The following SLC16A14 variants were observed in gnomAD, a reference collection of about 807,000 sequenced individuals.
The protein encoded by SLC16A14 is monocarboxylate transporter 14.
SLC16A14 carries 14 observed loss-of-function variants against 35.8 expected under a neutral mutation model. The ratio of observed to expected loss-of-function variants is 0.39; its 90% CI spans 0.26 to 0.61. The LOEUF is 0.61. SLC16A14 is among the 20% of genes least tolerant of loss of function. SLC16A14 has a pLI of 0.51. For missense variants in SLC16A14, 533 were observed against 655.0 expected (o/e 0.81, Z 2.03); for synonymous variants, 248 against 258.9 (o/e 0.96, Z 0.40).
chr2:230,054,513 G>A (rs923408141), intron 2 of SLC16A14, among the ~76,000 whole-genome samples: 20 of 152,252 alleles, frequency 1.3e-4, no homozygotes, highest in African/African-American at 4.3e-4. Context: ...CTTGCAACAC[G>A]TGGATGACTG....
chr2:230,039,206 C>A, intron 4 of SLC16A14, among the ~76,000 whole-genome samples: 2 of 151,008 alleles, frequency 1.3e-5, no homozygotes, highest in South Asian at 2.1e-4. Flanking sequence ...CAAACAATAG[C>A]ATACAAATTT....
intron 2 of SLC16A14, among the ~76,000 whole-genome samples, chr2:230,057,779 CA>C (rs1024801856): frequency 3.0e-4 from 45 of 152,040 alleles, no homozygotes; most frequent in African/African-American, 1.0e-3. Flanking sequence ...GTAATCCCAG[CA>C]ATTTGGGAGG....
intron 4 of SLC16A14, among the ~76,000 whole-genome samples, chr2:230,045,149 G>C (rs1252178409): frequency 2.0e-5 from 3 of 152,318 alleles, no homozygotes; most frequent in Admixed American, 2.0e-4. Flanking sequence ...TGGGTAAGGA[G>C]CCCGTCAGTA....
Position 230,067,534 on chromosome 2 carries a change from T to TTCTCTCTCTC in SLC16A14, c.-15+1011_-15+1020dup, listed in dbSNP as rs145179402. Reference sequence around the variant, plus strand: ...CCCAACACTGCCTCTCTCCCCTCTCTTCTCTCTCTCTCTCTCTCTCTCTCT... The same window carrying TTCTCTCTCTC: ...CCCAACACTGCCTCTCTCCCCTCTCTTCTCTCTCTCTCTCTCTCTCTCTCTCTCTCTCTCT... On this transcript the variant is annotated intron_variant, in intron 1 of 4. Coordinates refer to ENST00000295190, the MANE Select transcript of SLC16A14 (RefSeq NM_152527.5). Among the ~76,000 whole-genome samples, 105 of 128,426 alleles carry TTCTCTCTCTC rather than the reference T, an allele frequency of 8.2e-4. 1 individual carries two copies. The highest frequency in any genetic ancestry group is 3.3e-3 in the African/African-American group (102 of 31,340). The allele number at this position is 128,426 out of a possible 152,430, so 84.3% of individuals were successfully genotyped here.
Position 230,038,081 on chromosome 2 carries a change from T to C in SLC16A14, c.1382-550A>G, listed in dbSNP as rs2077532689. ...AAAGAATCAAAATCTTCAGGTGTTA[T>C]AAAATTCACATTTACAGTCACAAAA... On this transcript the variant is annotated intron_variant, in intron 4 of 4. Coordinates refer to ENST00000295190, the MANE Select transcript of SLC16A14 (RefSeq NM_152527.5). The surrounding 1 kb of genome is among the most constrained non-coding windows in gnomAD (Gnocchi z 4.4). Among the ~76,000 whole-genome samples the C allele has an allele frequency of 6.6e-6, 1 of 152,228 alleles. No individual in the cohort carries two copies. The highest frequency in any genetic ancestry group is 6.5e-5 in the Admixed American group (1 of 15,282).
chr2:230,041,178 G>T (rs1003062177), intron 4 of SLC16A14, among the ~76,000 whole-genome samples: 11 of 152,092 alleles, frequency 7.2e-5, no homozygotes, highest in African/African-American at 2.7e-4. Context: ...CCCAGCTTTT[G>T]GTGGAAAACA....
chr2:230,066,709 A>ACTGCAACTTCCGCCTCC (rs1383817674), intron 1 of SLC16A14: 2 of 393,020 alleles, frequency 5.1e-6, no homozygotes, highest in African/African-American at 4.7e-5. Flanking sequence ...ATCTCGGCTC[A>ACTGCAACTTCCGCCTCC]CTGCAACTTC....
At chr2:230,039,262 T>A (rs1338146919) in intron 4 of SLC16A14, among the ~76,000 whole-genome samples, 1 of 152,094 alleles carries the variant, frequency 6.6e-6, no homozygotes, top group Non-Finnish European at 1.5e-5. Flanking sequence ...GTATGAATTC[T>A]GGATCTACTT....
chr2:230,047,374 C>T (rs1001887770), intron 3 of SLC16A14, among the ~76,000 whole-genome samples: 31 of 140,442 alleles, frequency 2.2e-4, no homozygotes, highest in African/African-American at 8.2e-4. Flanking sequence ...TGCAATGGTG[C>T]GATCACAGCT....
At chr2:230,060,970 T>C (rs1577400302) in intron 1 of SLC16A14, among the ~76,000 whole-genome samples, 1 of 152,192 alleles carries the variant, frequency 6.6e-6, no homozygotes, top group East Asian at 1.9e-4. Context: ...GCAGAGGTTG[T>C]GTAGGAGACT....
intron 2 of SLC16A14, among the ~76,000 whole-genome samples, chr2:230,058,565 T>A (rs1251279442): frequency 6.6e-6 from 1 of 152,100 alleles, no homozygotes; most frequent in Admixed American, 6.6e-5. Flanking sequence ...GTTCTAAAGA[T>A]GGATGGTGGT....
intron 2 of SLC16A14, 46 bp downstream of exon 2, chr2:230,059,048 C>A: frequency 6.6e-7 from 1 of 1,526,556 alleles, no homozygotes; most frequent in South Asian, 1.3e-5. Context: ...GGGGAATTGT[C>A]ATTTGATAAC....
At chr2:230,043,910 A>C (rs903252244) in intron 4 of SLC16A14, among the ~76,000 whole-genome samples, 1 of 152,176 alleles carries the variant, frequency 6.6e-6, no homozygotes, top group African/African-American at 2.4e-5. Flanking sequence ...CCTGAATACC[A>C]AGTTCTCTGG....
intron 3 of SLC16A14, among the ~76,000 whole-genome samples, chr2:230,047,580 C>T (rs1442613813): frequency 6.6e-6 from 1 of 152,214 alleles, no homozygotes. Context: ...GCTCGGATTA[C>T]AGGTGGGAGC....
At position 230,042,943 on chromosome 2, in the gene SLC16A14, C is replaced by A. The variant is rs114588296; in HGVS notation, c.1381+2802G>T. Among the ~76,000 whole-genome samples, 807 of 152,260 alleles carry A rather than the reference C, an allele frequency of 5.3e-3. 8 individuals are homozygous for A. Among genetic ancestry groups the A allele is most frequent in the African/African-American group, 0.017 (696 of 41,538 alleles). ...GAGGCAGTCAGCATGAGGAAAGGGCCAAGAGGATGTCTGAGACGTTGCCCC... is the reference window on the plus strand; with the variant it reads ...GAGGCAGTCAGCATGAGGAAAGGGCAAAGAGGATGTCTGAGACGTTGCCCC... On this transcript the variant is annotated intron_variant, in intron 4 of 4. Transcript: ENST00000295190.
intron 1 of SLC16A14, among the ~76,000 whole-genome samples, chr2:230,060,096 G>T (rs1164838010): frequency 6.6e-6 from 1 of 152,150 alleles, no homozygotes; most frequent in African/African-American, 2.4e-5. Flanking sequence ...TTCAAAAATA[G>T]GGTATCAGAC....
In SLC16A14 at chr2:230,068,299, C is replaced by A. The variant is rs2077819186; in HGVS notation, c.-15+256G>T. The A allele has an allele frequency of 6.6e-6, 1 of 152,308 alleles. No homozygotes were observed. The highest frequency in any genetic ancestry group is 2.4e-5 in the African/African-American group (1 of 41,454). The allele number at this position is 152,308 out of a possible 1,614,324, so 9.4% of individuals were successfully genotyped here. On this transcript the variant is annotated intron_variant, in intron 1 of 4. Transcript: ENST00000295190. The surrounding 1 kb of genome is among the most constrained non-coding windows in gnomAD (Gnocchi z 5.1). ...GCGCGCGTCCCCAAGCTCCGCCTGGCGGTCTGCCCTGAACCGCCGGTTACC... is the reference window on the plus strand; with the variant it reads ...GCGCGCGTCCCCAAGCTCCGCCTGGAGGTCTGCCCTGAACCGCCGGTTACC...
chr2:230,045,648 G>T, intron 4 of SLC16A14, 97 bp downstream of exon 4: 1 of 1,361,396 alleles, frequency 7.3e-7, no homozygotes, highest in Non-Finnish European at 1.0e-6. Context: ...AAAGGAAAAT[G>T]TACACAAATG....
chr2:230,050,231 A>C (rs963464837), intron 2 of SLC16A14, among the ~76,000 whole-genome samples: 9 of 152,202 alleles, frequency 5.9e-5, no homozygotes, highest in Admixed American at 5.9e-4. Context: ...AGTCTAAAAA[A>C]TGTCTGGAAT....
Sources: allele counts gnomAD v4.1 joint callset (sites outside exome capture counted in the v4.1 genomes callset), GRCh38; gene constraint gnomAD v4.1.1; non-coding constraint Gnocchi (gnomAD v3.1); transcripts MANE v1.5; gene names NCBI Gene and HGNC (gene_info 2026-07-23, HGNC 2026-07-21).